Variants in LRRC7 observed in about 807,000 individuals in gnomAD.
LRRC7 encodes leucine rich repeat containing 7.
Under a neutral mutation model 175.7 loss-of-function variants are expected in LRRC7, and 23 were observed. The ratio of observed to expected loss-of-function variants is 0.13; its 90% confidence interval spans 0.09 to 0.19. LRRC7 has a LOEUF of 0.19. Among genes scored for constraint, LRRC7 ranks in the 10% least tolerant of loss-of-function variants. The pLI, the probability that LRRC7 is intolerant of heterozygous loss-of-function variation, is 1.00. For synonymous variants in LRRC7, 685 were observed against 680.9 expected (o/e 1.01, Z -0.09); for missense variants, 1,354 against 1,904.7 (o/e 0.71, Z 5.38).
chr1:69,609,156 T>C (rs965176741), intron 1 of LRRC7, among the ~76,000 whole-genome samples: 2 of 151,662 alleles, frequency 1.3e-5, no homozygotes, highest in Non-Finnish European at 2.9e-5. Context: ...AGGGAGACTA[T>C]GGACTCCACA....
chr1:69,631,591 C>G (rs1397225082), intron 1 of LRRC7, among the ~76,000 whole-genome samples: 2 of 152,120 alleles, frequency 1.3e-5, no homozygotes, highest in African/African-American at 2.4e-5. Context: ...CTTCTTTCCC[C>G]TCTCCGTAAA....
At chr1:70,080,134 C>T (rs942315232) in intron 24 of LRRC7, among the ~76,000 whole-genome samples, 1 of 152,090 alleles carries the variant, frequency 6.6e-6, no homozygotes, top group Non-Finnish European at 1.5e-5. Context: ...ATAGAACTGC[C>T]TTATGGAGTG....
chr1:70,021,326 C>A, intron 16 of LRRC7, 197 bp downstream of exon 16: 1 of 429,000 alleles, frequency 2.3e-6, no homozygotes, highest in Non-Finnish European at 4.3e-6. Flanking sequence ...TCTGAGTGAG[C>A]AAATTTGAAA....
At chr1:70,110,887 A>G (rs1376688526) in intron 26 of LRRC7, among the ~76,000 whole-genome samples, 1 of 152,214 alleles carries the variant, frequency 6.6e-6, no homozygotes, top group Non-Finnish European at 1.5e-5. Flanking sequence ...CTATATATTT[A>G]TCTATATATA....
At chr1:69,591,034 C>T (rs1646610869) in intron 1 of LRRC7, among the ~76,000 whole-genome samples, 1 of 151,994 alleles carries the variant, frequency 6.6e-6, no homozygotes, top group African/African-American at 2.4e-5. Context: ...ACCTTAGCTA[C>T]ACATAAAGTT....
chr1:70,053,228 A>G, intron 23 of LRRC7, 83 bp downstream of exon 23: 1 of 1,258,868 alleles, frequency 7.9e-7, no homozygotes, highest in Non-Finnish European at 1.0e-6. Flanking sequence ...GTGTCTTATC[A>G]TAATTTCTAA....
At chr1:69,989,005 A>G (rs997432235) in intron 10 of LRRC7, among the ~76,000 whole-genome samples, 1 of 152,228 alleles carries the variant, frequency 6.6e-6, no homozygotes, top group Non-Finnish European at 1.5e-5. Flanking sequence ...GTTATCAACC[A>G]ATATGAAAAC....
At chr1:69,646,847 G>A (rs936898612) in intron 1 of LRRC7, among the ~76,000 whole-genome samples, 2 of 151,960 alleles carry the variant, frequency 1.3e-5, no homozygotes, top group Admixed American at 1.3e-4. Context: ...TCTGAAATAG[G>A]GTTTAAGGAT....
chr1:69,887,952 A>T (rs534711894), intron 7 of LRRC7, among the ~76,000 whole-genome samples: 70 of 142,142 alleles, frequency 4.9e-4, no homozygotes, highest in Non-Finnish European at 9.0e-4. Context: ...TCAGGGACCC[A>T]CTTGAGGAGG....
chr1:69,805,673 C>G (rs550419667), intron 4 of LRRC7, among the ~76,000 whole-genome samples: 1 of 151,844 alleles, frequency 6.6e-6, no homozygotes, highest in African/African-American at 2.4e-5. Context: ...AGGATTGACT[C>G]CTTCTGTTTC....
chr1:69,739,819 T>C (rs957163202), intron 2 of LRRC7, among the ~76,000 whole-genome samples: 1 of 152,078 alleles, frequency 6.6e-6, no homozygotes, highest in Non-Finnish European at 1.5e-5. Context: ...AATCTGAATT[T>C]TCAAGATGTC....
At chr1:69,751,447 CAT>C (rs1411427776) in intron 2 of LRRC7, among the ~76,000 whole-genome samples, 1 of 151,256 alleles carries the variant, frequency 6.6e-6, no homozygotes, top group East Asian at 1.9e-4. Flanking sequence ...AAAAGAAAGA[CAT>C]AAAATATTTA....
chr1:69,933,143 T>G (rs977163400), intron 8 of LRRC7, among the ~76,000 whole-genome samples: 21 of 152,206 alleles, frequency 1.4e-4, no homozygotes, highest in African/African-American at 4.6e-4. Context: ...GTCTGCTGGC[T>G]CTGAGAGTCC....
At chr1:70,028,708 A>G (rs1658386305) in intron 18 of LRRC7, among the ~76,000 whole-genome samples, 1 of 152,176 alleles carries the variant, frequency 6.6e-6, no homozygotes, top group African/African-American at 2.4e-5. Context: ...ATTAAGAAAG[A>G]CTAATCCAAG....
In LRRC7 at chr1:70,125,332, G is replaced by T. The variant is rs1035322273; in HGVS notation, c.*3445G>T. Among the ~76,000 whole-genome samples, 1 of 152,176 alleles carries T rather than the reference G, an allele frequency of 6.6e-6. No individual in the cohort carries two copies. Reference sequence around the variant, plus strand: ...ACATAGATGTAAAACAATCTCAGTTGTTTCTGGACCTTACCTTGGATCACG... The same window carrying T: ...ACATAGATGTAAAACAATCTCAGTTTTTTCTGGACCTTACCTTGGATCACG... On this transcript the variant is annotated 3_prime_UTR_variant, in exon 27 of 27. Coordinates refer to ENST00000651989, the MANE Select transcript of LRRC7 (RefSeq NM_001370785.2).
intron 8 of LRRC7, among the ~76,000 whole-genome samples, chr1:69,942,090 T>C (rs1363223283): frequency 6.6e-6 from 1 of 152,164 alleles, no homozygotes; most frequent in African/African-American, 2.4e-5. Context: ...GCTCTGGCCC[T>C]GCACCTTCAT....
chr1:69,907,486 G>C (rs1646358781), intron 7 of LRRC7, among the ~76,000 whole-genome samples: 2 of 152,078 alleles, frequency 1.3e-5, no homozygotes, highest in African/African-American at 4.8e-5. Context: ...GTTGAATTTT[G>C]TCAAAGGCCT....
At chr1:69,782,213 A>G (rs1673844606) in intron 3 of LRRC7, among the ~76,000 whole-genome samples, 1 of 152,150 alleles carries the variant, frequency 6.6e-6, no homozygotes, top group Non-Finnish European at 1.5e-5. Context: ...CTATTATGCC[A>G]CTCTCCTACA....
Position 69,931,504 on chromosome 1 carries a change from T to C in LRRC7, c.648-3T>C, listed in dbSNP as rs1647375663. The C allele has an allele frequency of 1.9e-6, 3 of 1,612,580 alleles. No individual in the cohort carries two copies. The highest frequency in any genetic ancestry group is 2.5e-6 in the Non-Finnish European group (3 of 1,178,704). ...CAATAGTATTTTTCTCCATCTGTTG[T>C]AGGTCAATGCACAAACTGGCCCAGT... On this transcript the variant is annotated splice_region_variant and splice_polypyrimidine_tract_variant and intron_variant, in intron 7 of 26. Coordinates refer to ENST00000651989, the MANE Select transcript of LRRC7 (RefSeq NM_001370785.2).
Sources: allele counts gnomAD v4.1 joint callset (sites outside exome capture counted in the v4.1 genomes callset), GRCh38; gene constraint gnomAD v4.1.1; transcripts MANE v1.5; gene names NCBI Gene and HGNC (gene_info 2026-07-23, HGNC 2026-07-21).